SBF2: variants seen among roughly 807,000 people sequenced by gnomAD.
The protein encoded by SBF2 is myotubularin-related protein 13.
SBF2 carries 112 observed loss-of-function variants against 225.2 expected under a neutral mutation model. The observed-to-expected ratio is 0.50, with a 90% CI of 0.43 to 0.58. The LOEUF (loss-of-function observed/expected upper bound fraction) is 0.58, where lower values mean the gene tolerates loss of function less well. Among genes scored for constraint, SBF2 ranks in the 20% least tolerant of loss-of-function variants. The pLI, the probability that SBF2 is intolerant of heterozygous loss-of-function variation, is 0.00. For missense variants in SBF2, 1,996 were observed against 2,206.2 expected (o/e 0.90, Z 1.91); for synonymous variants, 763 against 773.3 (o/e 0.99, Z 0.22).
At chr11:9,893,654 G>A (rs1222087759) in intron 17 of SBF2, among the ~76,000 whole-genome samples, 1 of 152,066 alleles carries the variant, frequency 6.6e-6, no homozygotes, top group African/African-American at 2.4e-5. Context: ...GAAGTTTCAC[G>A]GCCATCCTAG....
intron 33 of SBF2, among the ~76,000 whole-genome samples, chr11:9,794,258 A>AAAAC (rs144890905): frequency 0.011 from 1,645 of 152,224 alleles, 19 homozygotes; most frequent in African/African-American, 0.037. Flanking sequence ...AAAACCCCAA[A>AAAAC]AAACACAACT....
Position 9,812,728 on chromosome 11 carries a change from G to A in SBF2, c.3979-20C>T. ...GAAGTTCTGCGGATGAAGATTCAGA[G>A]AATTAGGCAGATGAAGTGCTATAGG... On this transcript the variant is annotated intron_variant, in intron 29 of 39. Transcript: ENST00000256190. 2.5e-6 allele frequency: 4 copies of A among 1,612,510 alleles called. No individual in the cohort carries two copies. Among genetic ancestry groups the A allele is most frequent in the East Asian group, 2.2e-5 (1 of 44,876 alleles).
chr11:10,063,059 C>A (rs1447391815), intron 2 of SBF2, among the ~76,000 whole-genome samples: 1 of 152,058 alleles, frequency 6.6e-6, no homozygotes, highest in Non-Finnish European at 1.5e-5. Flanking sequence ...GAGCTACAGG[C>A]TATCATCCTT....
chr11:10,210,234 C>T (rs567568802), intron 1 of SBF2, among the ~76,000 whole-genome samples: 1 of 152,046 alleles, frequency 6.6e-6, no homozygotes, highest in South Asian at 2.1e-4. Flanking sequence ...CTTGAGCCTA[C>T]AAGGTCAAGG....
At chr11:9,789,489 A>C (rs1016612268) in intron 34 of SBF2, 147 bp from the exon 35 acceptor site, 8 of 628,132 alleles carry the variant, frequency 1.3e-5, no homozygotes, top group Middle Eastern at 2.5e-4. Flanking sequence ...TTTAAAAATC[A>C]TACATCAAGA....
intron 6 of SBF2, among the ~76,000 whole-genome samples, chr11:10,021,035 A>G (rs1948837153): frequency 1.3e-5 from 2 of 152,160 alleles, no homozygotes; most frequent in South Asian, 4.1e-4. Context: ...ATGCATAGAA[A>G]AAGGTACAAA....
intron 2 of SBF2, among the ~76,000 whole-genome samples, chr11:10,173,107 G>A (rs796795995): frequency 3.3e-5 from 5 of 152,230 alleles, no homozygotes; most frequent in African/African-American, 1.2e-4. Context: ...GAAGATACTT[G>A]ATATTATTTC....
At chr11:9,802,494 A>AATG (rs1380690336) in intron 32 of SBF2, among the ~76,000 whole-genome samples, 1 of 152,252 alleles carries the variant, frequency 6.6e-6, no homozygotes, top group Non-Finnish European at 1.5e-5. Flanking sequence ...TTTGGCATTC[A>AATG]ATGTTAGAAA....
At chr11:10,126,659 C>T (rs1953770423) in intron 2 of SBF2, among the ~76,000 whole-genome samples, 1 of 152,002 alleles carries the variant, frequency 6.6e-6, no homozygotes, top group Non-Finnish European at 1.5e-5. Context: ...AAATTTCATA[C>T]AATCCAACAA....
intron 6 of SBF2, among the ~76,000 whole-genome samples, chr11:10,024,433 T>A (rs1948973598): frequency 6.6e-6 from 1 of 152,178 alleles, no homozygotes; most frequent in African/African-American, 2.4e-5. Flanking sequence ...TTACCAGTAC[T>A]CAGGGAAGCA....
In SBF2 at chr11:10,294,114, T is replaced by TCGCCGC; in HGVS notation, c.-51_-46dup. On this transcript the variant is annotated 5_prime_UTR_variant, in exon 1 of 40. Transcript: ENST00000256190. The stretch of plus-strand genomic sequence containing the variant: ...GGGAAGCGGGTCCCCGTCGCCGCCC[T>TCGCCGC]CGCCGCCGCCGCCCACCCGGCCCGG... 7.7e-7 allele frequency: 1 copy of TCGCCGC among 1,300,464 alleles called. No individual in the cohort carries two copies. The allele number at this position is 1,300,464 out of a possible 1,614,324, so 80.6% of individuals were successfully genotyped here.
chr11:10,161,817 A>T (rs1955752538), intron 2 of SBF2, among the ~76,000 whole-genome samples: 1 of 133,128 alleles, frequency 7.5e-6, no homozygotes, highest in Non-Finnish European at 1.7e-5. Context: ...AAAAAAAAAT[A>T]ATAATTAAAA....
intron 30 of SBF2, chr11:9,810,357 A>C (rs1854114829): frequency 6.6e-6 from 1 of 152,252 alleles, no homozygotes; most frequent in Non-Finnish European, 1.5e-5. Flanking sequence ...TATTTGTGCT[A>C]AGTTTTTAAA....
chr11:9,853,106 C>T (rs780946596), intron 20 of SBF2, among the ~76,000 whole-genome samples: 4 of 152,256 alleles, frequency 2.6e-5, no homozygotes, highest in Middle Eastern at 3.4e-3. Flanking sequence ...TGCCACAACA[C>T]GTATGAACCT....
intron 33 of SBF2, among the ~76,000 whole-genome samples, chr11:9,794,186 CAA>C (rs1217276757): frequency 6.6e-6 from 1 of 151,460 alleles, no homozygotes; most frequent in East Asian, 2.0e-4. Context: ...GCCTCAAAAA[CAA>C]AACAAAACAA....
chr11:9,851,267 A>C, intron 21 of SBF2, among the ~76,000 whole-genome samples: 1 of 152,186 alleles, frequency 6.6e-6, no homozygotes, highest in Admixed American at 6.5e-5. Flanking sequence ...CTGTGAACCC[A>C]ACTGTTAAAG....
At chr11:9,940,690 C>T (rs1865201327) in intron 16 of SBF2, among the ~76,000 whole-genome samples, 2 of 152,070 alleles carry the variant, frequency 1.3e-5, no homozygotes, top group South Asian at 4.1e-4. Flanking sequence ...TGGTTTGGCC[C>T]AGGGGGCACC....
chr11:10,089,129 A>G, intron 2 of SBF2, among the ~76,000 whole-genome samples: 1 of 152,196 alleles, frequency 6.6e-6, no homozygotes, highest in East Asian at 1.9e-4. Context: ...CGAAGTCTGT[A>G]CTTTTAATGC....
chr11:10,304,271 T>C (rs1271956820), intron 1 of SBF2, among the ~76,000 whole-genome samples: 1 of 152,172 alleles, frequency 6.6e-6, no homozygotes, highest in Non-Finnish European at 1.5e-5. Context: ...ACGTTTACGA[T>C]GGATTAATGA....
Sources: allele counts gnomAD v4.1 joint callset (sites outside exome capture counted in the v4.1 genomes callset), GRCh38; gene constraint gnomAD v4.1.1; transcripts MANE v1.5; gene names NCBI Gene and HGNC (gene_info 2026-07-23, HGNC 2026-07-21).